The following TMEM272 variants were observed in gnomAD, a reference collection of about 807,000 sequenced individuals.
The protein encoded by TMEM272 is transmembrane protein 272, also known as long intergenic non-protein coding RNA 282.
Under a neutral mutation model 3.7 loss-of-function variants are expected in TMEM272, and 8 were observed. The ratio of observed to expected loss-of-function variants is 2.17; its 90% confidence interval spans 1.27 to 3.91. The LOEUF (loss-of-function observed/expected upper bound fraction) is 3.91. Ranked by LOEUF, TMEM272 falls within the 30% of genes most tolerant of loss-of-function variation. The pLI, the probability that TMEM272 is intolerant of heterozygous loss-of-function variation, is 0.00. For missense variants in TMEM272, 166 were observed against 91.5 expected (o/e 1.81, Z -3.32); for synonymous variants, 63 against 39.8 (o/e 1.58, Z -2.20).
chr13:51,922,666 G>A, the TMEM272 span, among the ~76,000 whole-genome samples: 19 of 152,258 alleles, frequency 1.2e-4, no homozygotes, highest in East Asian at 3.9e-4. Flanking sequence ...TCCTCTTACC[G>A]TCCCAGAGGT....
chr13:51,838,869 T>C (rs1405712819), intron 1 of TMEM272, among the ~76,000 whole-genome samples: 1 of 152,122 alleles, frequency 6.6e-6, no homozygotes, highest in Non-Finnish European at 1.5e-5. Context: ...AGCCAGGCGT[T>C]GTGTTAACTC....
the TMEM272 span, among the ~76,000 whole-genome samples, chr13:51,898,114 T>C: frequency 6.6e-6 from 1 of 151,676 alleles, no homozygotes; most frequent in Admixed American, 6.6e-5. Context: ...TCCCAGTTAC[T>C]GGCTGAGGCA....
chr13:51,885,926 G>A, the TMEM272 span, among the ~76,000 whole-genome samples: 7 of 152,160 alleles, frequency 4.6e-5, no homozygotes, highest in Admixed American at 1.3e-4. Flanking sequence ...AATATAGCGA[G>A]GGCCATATAC....
At chr13:51,818,462 G>A (rs773705467) in intron 4 of TMEM272, among the ~76,000 whole-genome samples, 9 of 152,172 alleles carry the variant, frequency 5.9e-5, no homozygotes, top group Non-Finnish European at 1.2e-4. Context: ...GAGAGGTGAG[G>A]ACTCCTGGCA....
the TMEM272 span, among the ~76,000 whole-genome samples, chr13:51,931,449 T>C: frequency 6.2e-5 from 9 of 144,234 alleles, no homozygotes; most frequent in African/African-American, 2.4e-4. Flanking sequence ...TGAGAACACA[T>C]GGACGCAGGG....
the TMEM272 span, chr13:51,865,439 A>T: frequency 6.2e-7 from 1 of 1,613,482 alleles, no homozygotes; most frequent in Non-Finnish European, 8.5e-7. Context: ...GAGCAGATGG[A>T]TGGGGCTTGC....
chr13:51,867,644 G>A, the TMEM272 span, among the ~76,000 whole-genome samples: 6 of 152,268 alleles, frequency 3.9e-5, no homozygotes, highest in East Asian at 1.9e-4. Flanking sequence ...AAAAATTGGC[G>A]CTGGGAAAGT....
chr13:51,833,782 A>G (rs1017370801), intron 2 of TMEM272, among the ~76,000 whole-genome samples: 7 of 152,182 alleles, frequency 4.6e-5, no homozygotes, highest in Non-Finnish European at 7.3e-5. Context: ...TTAGTAAGAA[A>G]TATTGGACCC....
chr13:51,821,971 T>C (rs1371500269), intron 4 of TMEM272, 84 bp downstream of exon 4: 2 of 700,730 alleles, frequency 2.9e-6, no homozygotes, highest in East Asian at 5.4e-5. Flanking sequence ...CCCCTGTGAA[T>C]AGCAGGCAAA....
At chr13:51,855,204 G>A in the TMEM272 span, among the ~76,000 whole-genome samples, 2 of 152,196 alleles carry the variant, frequency 1.3e-5, no homozygotes, top group African/African-American at 4.8e-5. Context: ...GAGAGGCTCT[G>A]AAAAACATCA....
chr13:51,892,630 C>T, the TMEM272 span, among the ~76,000 whole-genome samples: 1 of 152,168 alleles, frequency 6.6e-6, no homozygotes, highest in South Asian at 2.1e-4. Flanking sequence ...TAGGTGACCA[C>T]ATTTCCTCCT....
chr13:51,842,613 C>T (rs1035535497), intron 1 of TMEM272, among the ~76,000 whole-genome samples: 16 of 151,902 alleles, frequency 1.1e-4, no homozygotes, highest in Non-Finnish European at 1.3e-4. Flanking sequence ...TCCAGCCCAA[C>T]TGTTAGTATT....
At chr13:51,891,682 G>T in the TMEM272 span, among the ~76,000 whole-genome samples, 2 of 152,162 alleles carry the variant, frequency 1.3e-5, no homozygotes, top group African/African-American at 2.4e-5. Flanking sequence ...ATTCCGCAGG[G>T]GTGGGTTGCA....
chr13:51,925,152 A>AT, the TMEM272 span, among the ~76,000 whole-genome samples: 2 of 152,150 alleles, frequency 1.3e-5, no homozygotes, highest in Non-Finnish European at 2.9e-5. Context: ...TTAGTTGCTC[A>AT]TTTGTTTTCC....
At chr13:51,867,038 C>A in the TMEM272 span, among the ~76,000 whole-genome samples, 1 of 152,112 alleles carries the variant, frequency 6.6e-6, no homozygotes, top group Non-Finnish European at 1.5e-5. Context: ...ATAGGGAATG[C>A]CACACAAATG....
At chr13:51,829,848 G>A (rs1344555661) in intron 2 of TMEM272, among the ~76,000 whole-genome samples, 1 of 150,806 alleles carries the variant, frequency 6.6e-6, no homozygotes, top group African/African-American at 2.5e-5. Context: ...GGAGCTAAAG[G>A]CACTTAAAAA....
chr13:51,865,329 CA>C, the TMEM272 span: 2 of 1,477,184 alleles, frequency 1.4e-6, no homozygotes, highest in Non-Finnish European at 1.8e-6. Flanking sequence ...GCTGCCCCCA[CA>C]GGGTCTGACC....
intron 2 of TMEM272, 146 bp from the exon 3 acceptor site, chr13:51,826,771 G>A (rs576656538): frequency 1.3e-5 from 8 of 639,814 alleles, no homozygotes; most frequent in South Asian, 5.3e-5. Flanking sequence ...GTCGCAGCTC[G>A]CCTGGGGCTC....
the TMEM272 span, among the ~76,000 whole-genome samples, chr13:51,896,349 C>T: frequency 6.6e-6 from 1 of 152,004 alleles, no homozygotes; most frequent in African/African-American, 2.4e-5. Flanking sequence ...CAGAGAAACA[C>T]GTGTGTGTAA....
Sources: gnomAD v4.1 joint callset for allele counts (sites outside exome capture counted in the v4.1 genomes callset) on GRCh38, gnomAD v4.1.1 for gene constraint, MANE v1.5 for transcripts, NCBI Gene and HGNC (gene_info 2026-07-23, HGNC 2026-07-21) for gene names.